Variants in FHOD3 observed in about 807,000 individuals in gnomAD.
FHOD3 encodes formin homology 2 domain containing 3, also known as FH1/FH2 domain-containing protein 3.
Under a neutral mutation model 173.0 loss-of-function variants are expected in FHOD3, and 90 were observed. That is an observed-to-expected ratio of 0.52 (90% confidence interval 0.44 to 0.62). FHOD3 has a LOEUF of 0.62. FHOD3 is among the 20% of genes least tolerant of loss of function. The probability of loss-of-function intolerance (pLI) is 0.00; values close to 1 mark genes in which losing one functional copy is unlikely to be tolerated. For missense variants in FHOD3, 1,945 were observed against 2,034.7 expected (o/e 0.96, Z 0.85); for synonymous variants, 828 against 823.0 (o/e 1.01, Z -0.10).
intron 19 of FHOD3, 62 bp from the exon 20 acceptor site, chr18:36,730,584 T>C: frequency 8.5e-6 from 13 of 1,537,162 alleles, no homozygotes; most frequent in Non-Finnish European, 4.4e-6. Context: ...CTTTTAATAA[T>C]GAAATGCAGA....
chr18:36,305,833 T>C (rs1340223027), intron 1 of FHOD3, among the ~76,000 whole-genome samples: 1 of 152,210 alleles, frequency 6.6e-6, no homozygotes, highest in Non-Finnish European at 1.5e-5. Context: ...ACCACAATTT[T>C]GACTAAAGAA....
intron 6 of FHOD3, among the ~76,000 whole-genome samples, chr18:36,578,748 G>T (rs1249695711): frequency 6.6e-6 from 1 of 152,150 alleles, no homozygotes; most frequent in East Asian, 1.9e-4. Flanking sequence ...CAGAATCCTG[G>T]TGATTGTGTC....
chr18:36,700,607 G>T (rs999418860), intron 17 of FHOD3, among the ~76,000 whole-genome samples: 2 of 151,666 alleles, frequency 1.3e-5, no homozygotes, highest in Non-Finnish European at 2.9e-5. Flanking sequence ...CTCTGATCTG[G>T]GCCATTTCAA....
intron 14 of FHOD3, among the ~76,000 whole-genome samples, chr18:36,668,339 T>C (rs1218713984): frequency 2.0e-5 from 3 of 152,052 alleles, no homozygotes; most frequent in African/African-American, 7.2e-5. Flanking sequence ...TATTATTTTT[T>C]TTAGTATCTG....
intron 10 of FHOD3, among the ~76,000 whole-genome samples, chr18:36,647,606 C>G (rs2035778876): frequency 6.6e-6 from 1 of 152,146 alleles, no homozygotes; most frequent in Admixed American, 6.5e-5. Context: ...ATATAGTACA[C>G]AGTAATATAT....
In FHOD3 at chr18:36,657,105, G is replaced by A. The variant is rs115090971; in HGVS notation, c.1722-970G>A. ...GGGATTCCAATTTCTGTTGATGGGC[G>A]TTTGGACTGGATTCTCCATGTGCAA... On this transcript the variant is annotated intron_variant, in intron 13 of 28. Transcript: ENST00000590592. 5.3e-3 allele frequency among the ~76,000 whole-genome samples: 801 copies of A among 152,266 alleles called. 10 individuals are homozygous for A. The highest frequency in any genetic ancestry group is 0.018 in the African/African-American group (745 of 41,546).
intron 1 of FHOD3, among the ~76,000 whole-genome samples, chr18:36,331,001 C>T (rs2044975349): frequency 6.6e-6 from 1 of 152,166 alleles, no homozygotes; most frequent in Non-Finnish European, 1.5e-5. Context: ...CAGGCGCTCT[C>T]CTGCCATTCC....
chr18:36,687,023 T>A, intron 15 of FHOD3, 105 bp from the exon 16 acceptor site: 1 of 758,380 alleles, frequency 1.3e-6, no homozygotes, highest in Non-Finnish European at 2.1e-6. Flanking sequence ...TCTGAGGCAG[T>A]GCCAGTCTTT....
Position 36,504,748 on chromosome 18 carries a change from A to G in FHOD3, c.405+2749A>G, listed in dbSNP as rs563798607. 7.5e-4 allele frequency among the ~76,000 whole-genome samples: 111 copies of G among 148,352 alleles called. 3 individuals carry two copies. The highest frequency in any genetic ancestry group is 4.3e-3 in the South Asian group (20 of 4,652). On this transcript the variant is annotated intron_variant, in intron 4 of 28. Transcript: ENST00000590592. The stretch of plus-strand genomic sequence containing the variant: ...CCCTAAAACTTATAGTAATAATAAT[A>G]AAAGTAAATAAATAAATAAATACAT...
chr18:36,373,968 C>A (rs756676225), intron 3 of FHOD3, among the ~76,000 whole-genome samples: 1 of 152,158 alleles, frequency 6.6e-6, no homozygotes, highest in African/African-American at 2.4e-5. Flanking sequence ...AATCCAGGCA[C>A]GTAACATGTA....
At chr18:36,424,149 C>T (rs535193862) in intron 3 of FHOD3, among the ~76,000 whole-genome samples, 1 of 152,260 alleles carries the variant, frequency 6.6e-6, no homozygotes, top group Admixed American at 6.5e-5. Context: ...ATGTGGAGTT[C>T]CAATATTCTC....
intron 3 of FHOD3, among the ~76,000 whole-genome samples, chr18:36,487,967 A>G (rs947231385): frequency 6.6e-6 from 1 of 152,234 alleles, no homozygotes; most frequent in Non-Finnish European, 1.5e-5. Flanking sequence ...TTTAAGCTGT[A>G]CTGAACTTGT....
chr18:36,681,299 A>C (rs2038222045), intron 14 of FHOD3, 137 bp from the exon 15 acceptor site: 2 of 986,328 alleles, frequency 2.0e-6, no homozygotes, highest in Non-Finnish European at 3.0e-6. Flanking sequence ...AGAAGACCCG[A>C]GGCATTCAGT....
intron 5 of FHOD3, among the ~76,000 whole-genome samples, chr18:36,554,289 A>G (rs146411000): frequency 1.3e-3 from 203 of 152,332 alleles, no homozygotes; most frequent in African/African-American, 4.6e-3. Flanking sequence ...CATATACACC[A>G]TGGAATACTA....
chr18:36,612,814 GT>G (rs2032825632), intron 9 of FHOD3, among the ~76,000 whole-genome samples: 1 of 152,118 alleles, frequency 6.6e-6, no homozygotes, highest in African/African-American at 2.4e-5. Context: ...CGTGTATTTT[GT>G]TCTTACCAAA....
intron 24 of FHOD3, among the ~76,000 whole-genome samples, chr18:36,753,552 A>G (rs1173633012): frequency 6.6e-6 from 1 of 152,176 alleles, no homozygotes; most frequent in African/African-American, 2.4e-5. Flanking sequence ...GTGTACACAT[A>G]TTTTCATTTC....
chr18:36,670,353 C>T (rs571340604), intron 14 of FHOD3, among the ~76,000 whole-genome samples: 2 of 152,130 alleles, frequency 1.3e-5, no homozygotes, highest in African/African-American at 4.8e-5. Flanking sequence ...CTTTTGATAA[C>T]TCTAATAGCA....
At chr18:36,371,262 A>G (rs1049283754) in intron 2 of FHOD3, among the ~76,000 whole-genome samples, 2 of 152,210 alleles carry the variant, frequency 1.3e-5, no homozygotes, top group African/African-American at 4.8e-5. Flanking sequence ...AAAAGAATCC[A>G]TATTAGTCTG....
intron 3 of FHOD3, among the ~76,000 whole-genome samples, chr18:36,468,837 C>T (rs1599257969): frequency 6.6e-6 from 1 of 152,222 alleles, no homozygotes; most frequent in Non-Finnish European, 1.5e-5. Context: ...CCACCTCCAG[C>T]TGAGAGCTAG....
Sources: gnomAD v4.1 joint callset for allele counts (sites outside exome capture counted in the v4.1 genomes callset) on GRCh38, gnomAD v4.1.1 for gene constraint, MANE v1.5 for transcripts, NCBI Gene and HGNC (gene_info 2026-07-23, HGNC 2026-07-21) for gene names.